The following UVRAG variants were observed in gnomAD, a reference collection of about 807,000 sequenced individuals.
UVRAG encodes UV radiation resistance associated.
In UVRAG, 19 loss-of-function variants were observed where a neutral mutation model predicts 78.0. The observed-to-expected ratio is 0.24, with a 90% CI of 0.17 to 0.36. The LOEUF is 0.36. UVRAG is among the 10% of genes least tolerant of loss of function. The pLI is 1.00. For synonymous variants in UVRAG, 323 were observed against 324.6 expected, an observed-to-expected ratio of 1.00 and a Z score of 0.05; for missense variants, 740 against 853.8, an observed-to-expected ratio of 0.87 and a Z score of 1.66.
At chr11:75,981,913 G>GT (rs113593826) in intron 7 of UVRAG, among the ~76,000 whole-genome samples, 14,351 of 147,626 alleles carry the variant, frequency 0.097, 1,555 homozygotes, top group African/African-American at 0.27. Context: ...AGACTTTCTA[G>GT]TTTTTTTTTT....
intron 6 of UVRAG, among the ~76,000 whole-genome samples, chr11:75,931,650 C>T (rs984845394): frequency 3.9e-5 from 6 of 152,184 alleles, no homozygotes; most frequent in African/African-American, 1.4e-4. Flanking sequence ...TTTCTATTTT[C>T]CCTTATGATG....
intron 13 of UVRAG, among the ~76,000 whole-genome samples, chr11:76,109,848 G>A (rs903228832): frequency 6.6e-6 from 1 of 152,196 alleles, no homozygotes; most frequent in African/African-American, 2.4e-5. Flanking sequence ...GCCCAAGCAA[G>A]GAAGGAGTTT....
chr11:75,982,333 T>TC, intron 7 of UVRAG, among the ~76,000 whole-genome samples: 1 of 152,246 alleles, frequency 6.6e-6, no homozygotes, highest in South Asian at 2.1e-4. Flanking sequence ...CAGGAGTGGC[T>TC]CCCCACTAGG....
chr11:75,840,790 A>C (rs1434102240), intron 1 of UVRAG, among the ~76,000 whole-genome samples: 1 of 152,248 alleles, frequency 6.6e-6, no homozygotes, highest in African/African-American at 2.4e-5. Context: ...CAGTAGCCCC[A>C]GGCACTAGTT....
intron 3 of UVRAG, among the ~76,000 whole-genome samples, chr11:75,878,024 G>C (rs1289750594): frequency 9.9e-5 from 15 of 151,158 alleles, no homozygotes; most frequent in Admixed American, 9.2e-4. Context: ...CTTCCCAGAC[G>C]GGGTGGCTGC....
intron 9 of UVRAG, 123 bp from the exon 10 acceptor site, chr11:76,007,399 ATGCTTCTACTTC>A (rs1949965660): frequency 4.6e-6 from 3 of 655,758 alleles, no homozygotes; most frequent in Non-Finnish European, 7.7e-6. Context: ...ACTATTATTT[ATGCTTCTACTTC>A]TGAGTTTCTG....
At chr11:76,134,260 CTTT>C (rs1180218277) in intron 14 of UVRAG, among the ~76,000 whole-genome samples, 135 of 122,786 alleles carry the variant, frequency 1.1e-3, no homozygotes, top group African/African-American at 3.6e-3. Flanking sequence ...CACACCTGGC[CTTT>C]TTTTTTTTTT....
chr11:76,089,717 A>T (rs117010513), intron 13 of UVRAG, among the ~76,000 whole-genome samples: 2 of 152,336 alleles, frequency 1.3e-5, no homozygotes, highest in East Asian at 3.9e-4. Context: ...ATCTTAGCAG[A>T]TTATGTTACT....
At chr11:76,126,739 T>C (rs1027194176) in intron 14 of UVRAG, among the ~76,000 whole-genome samples, 7 of 152,204 alleles carry the variant, frequency 4.6e-5, no homozygotes, top group Non-Finnish European at 7.3e-5. Context: ...AACAAGTATA[T>C]TCACTGAATA....
chr11:75,831,458 A>T (rs558261656), intron 1 of UVRAG, among the ~76,000 whole-genome samples: 61 of 152,102 alleles, frequency 4.0e-4, no homozygotes, highest in African/African-American at 1.4e-3. Context: ...ATTGCACTAC[A>T]GTCTGGGCAA....
intron 5 of UVRAG, among the ~76,000 whole-genome samples, chr11:75,905,188 G>C (rs72999562): frequency 7.1e-4 from 108 of 152,118 alleles, no homozygotes; most frequent in South Asian, 2.1e-3. Context: ...CTATTATTTG[G>C]ATTTTGTTGC....
intron 3 of UVRAG, among the ~76,000 whole-genome samples, chr11:75,863,330 A>G (rs992790627): frequency 2.6e-5 from 4 of 152,238 alleles, no homozygotes; most frequent in Non-Finnish European, 5.9e-5. Flanking sequence ...GTGGAAACAG[A>G]AATAGTTTGC....
At chr11:75,818,130 C>G (rs568244267) in intron 1 of UVRAG, among the ~76,000 whole-genome samples, 2 of 151,924 alleles carry the variant, frequency 1.3e-5, no homozygotes, top group East Asian at 3.9e-4. Context: ...CCTGGAAGTC[C>G]TCCTATGTTC....
intron 3 of UVRAG, among the ~76,000 whole-genome samples, chr11:75,878,148 G>C (rs554821858): frequency 6.6e-6 from 1 of 151,016 alleles, no homozygotes; most frequent in African/African-American, 2.4e-5. Context: ...CTCAGATGGG[G>C]CGGCTGGGCA....
At chr11:75,876,871 G>A (rs951214654) in intron 3 of UVRAG, among the ~76,000 whole-genome samples, 5 of 148,634 alleles carry the variant, frequency 3.4e-5, no homozygotes, top group African/African-American at 1.2e-4. Context: ...TATTTTTATT[G>A]ATCATTCTTG....
At chr11:75,900,955 G>A (rs1233320683) in intron 5 of UVRAG, among the ~76,000 whole-genome samples, 1 of 152,162 alleles carries the variant, frequency 6.6e-6, no homozygotes, top group African/African-American at 2.4e-5. Flanking sequence ...TACTCATTCA[G>A]CTCAGGTTAA....
At chr11:75,973,964 AT>A (rs1487042117) in intron 7 of UVRAG, among the ~76,000 whole-genome samples, 5 of 152,238 alleles carry the variant, frequency 3.3e-5, no homozygotes, top group African/African-American at 1.2e-4. Flanking sequence ...ATTGATGGAC[AT>A]TTGGGTTGAT....
intron 13 of UVRAG, among the ~76,000 whole-genome samples, chr11:76,115,222 A>C (rs1952154958): frequency 1.3e-5 from 2 of 152,290 alleles, no homozygotes; most frequent in Admixed American, 1.3e-4. Flanking sequence ...AATTTTAGAA[A>C]ATTGGCCTCT....
At chr11:76,139,310 C>T (rs1183896858) in intron 14 of UVRAG, among the ~76,000 whole-genome samples, 1 of 152,184 alleles carries the variant, frequency 6.6e-6, no homozygotes, top group African/African-American at 2.4e-5. Flanking sequence ...GATCTCTTTT[C>T]TTTTCTAGGG....
Sources: gnomAD v4.1 joint callset for allele counts (sites outside exome capture counted in the v4.1 genomes callset) on GRCh38, gnomAD v4.1.1 for gene constraint, MANE v1.5 for transcripts, NCBI Gene and HGNC (gene_info 2026-07-23, HGNC 2026-07-21) for gene names.